Variants in AK5 observed in about 807,000 individuals in gnomAD.
The protein encoded by AK5 is adenylate kinase isoenzyme 5.
In AK5, 27 loss-of-function variants were observed where a neutral mutation model predicts 69.5. The ratio of observed to expected loss-of-function variants is 0.39; its 90% CI spans 0.29 to 0.54. The LOEUF is 0.54. AK5 is among the 20% of genes least tolerant of loss of function. The probability of loss-of-function intolerance (pLI) is 0.71; values close to 1 mark genes in which losing one functional copy is unlikely to be tolerated. For synonymous variants in AK5, 260 were observed against 244.4 expected (o/e 1.06, Z -0.60); for missense variants, 531 against 700.4 (o/e 0.76, Z 2.73).
At chr1:77,301,852 A>C (rs1659359966) in intron 5 of AK5, among the ~76,000 whole-genome samples, 1 of 152,226 alleles carries the variant, frequency 6.6e-6, no homozygotes, top group African/African-American at 2.4e-5. Flanking sequence ...CAGGGATTGC[A>C]AAGGTCCTTG....
At chr1:77,451,081 T>C (rs1158106183) in intron 8 of AK5, among the ~76,000 whole-genome samples, 2 of 151,938 alleles carry the variant, frequency 1.3e-5, no homozygotes, top group Non-Finnish European at 2.9e-5. Context: ...GAAGCTGAGC[T>C]GGGAGGATCA....
At chr1:77,536,223 A>G (rs1450028778) in intron 13 of AK5, among the ~76,000 whole-genome samples, 185 bp downstream of exon 13, 2 of 152,168 alleles carry the variant, frequency 1.3e-5, no homozygotes, top group African/African-American at 4.8e-5. Flanking sequence ...CACTGTGGGA[A>G]GTCAAGGCGG....
At chr1:77,354,061 T>C (rs916499438) in intron 6 of AK5, among the ~76,000 whole-genome samples, 6 of 152,096 alleles carry the variant, frequency 3.9e-5, no homozygotes, top group Non-Finnish European at 7.4e-5. Context: ...AAATGAGACA[T>C]CTGAAATTTC....
chr1:77,551,740 C>G (rs1457952025), intron 13 of AK5, among the ~76,000 whole-genome samples: 2 of 152,130 alleles, frequency 1.3e-5, no homozygotes, highest in Non-Finnish European at 2.9e-5. Flanking sequence ...TTCCATAAAG[C>G]CTAGACTACA....
chr1:77,518,223 C>T (rs1657775798), intron 10 of AK5, among the ~76,000 whole-genome samples: 1 of 152,200 alleles, frequency 6.6e-6, no homozygotes, highest in Non-Finnish European at 1.5e-5. Context: ...CAAAACGGAG[C>T]CAAGTACCCC....
At chr1:77,508,279 A>T (rs1461021005) in intron 10 of AK5, among the ~76,000 whole-genome samples, 1 of 152,162 alleles carries the variant, frequency 6.6e-6, no homozygotes, top group African/African-American at 2.4e-5. Context: ...TAAATTGCAG[A>T]TGTCTGTACA....
chr1:77,429,757 CG>C (rs1651472075), intron 8 of AK5, among the ~76,000 whole-genome samples: 1 of 152,014 alleles, frequency 6.6e-6, no homozygotes. Context: ...CTGCACCTGG[CG>C]GGCAAGAGAT....
At chr1:77,525,027 C>T (rs1177788588) in intron 12 of AK5, among the ~76,000 whole-genome samples, 2 of 152,310 alleles carry the variant, frequency 1.3e-5, no homozygotes, top group East Asian at 3.9e-4. Context: ...GTGCCTCAGC[C>T]TCCCAAGTAG....
intron 8 of AK5, among the ~76,000 whole-genome samples, chr1:77,476,883 G>T (rs1226664986): frequency 2.0e-5 from 3 of 148,618 alleles, no homozygotes; most frequent in Middle Eastern, 6.9e-3. Flanking sequence ...ATTGTTTAAT[G>T]TGTGAGGTGT....
Position 77,480,650 on chromosome 1 carries a change from C to A in AK5, c.1060-2667C>A, listed in dbSNP as rs114918795. Among the ~76,000 whole-genome samples the A allele has an allele frequency of 2.2e-3, 339 of 152,196 alleles. 1 individual carries two copies. The highest frequency in any genetic ancestry group is 3.7e-3 in the Admixed American group (56 of 15,296). On this transcript the variant is annotated intron_variant, in intron 8 of 13. Transcript: ENST00000354567. The stretch of plus-strand genomic sequence containing the variant: ...ACTCCATGGTTTCCTCTCAACATTA[C>A]CTAGATAGATTCAATAGCTGTTTGA...
At chr1:77,353,864 A>G (rs1292354060) in intron 6 of AK5, among the ~76,000 whole-genome samples, 1 of 152,172 alleles carries the variant, frequency 6.6e-6, no homozygotes, top group Non-Finnish European at 1.5e-5. Context: ...GAGGGAGCCC[A>G]TAGAGAAAAG....
chr1:77,530,336 A>G (rs934601266), intron 12 of AK5, among the ~76,000 whole-genome samples: 10 of 152,254 alleles, frequency 6.6e-5, no homozygotes, highest in Non-Finnish European at 1.5e-4. Flanking sequence ...GTATTCAGGA[A>G]TGCTGGAATG....
chr1:77,439,919 G>C (rs970582512), intron 8 of AK5, among the ~76,000 whole-genome samples: 5 of 151,134 alleles, frequency 3.3e-5, no homozygotes, highest in African/African-American at 1.2e-4. Context: ...AATAAACTTG[G>C]AAGTGCTATA....
intron 6 of AK5, among the ~76,000 whole-genome samples, chr1:77,365,883 T>C (rs1054802093): frequency 1.3e-5 from 2 of 152,300 alleles, no homozygotes; most frequent in African/African-American, 4.8e-5. Flanking sequence ...AATATGCACA[T>C]TGCTTTTATA....
intron 6 of AK5, among the ~76,000 whole-genome samples, chr1:77,393,124 A>AT (rs1301513157): frequency 6.6e-6 from 1 of 151,932 alleles, no homozygotes; most frequent in Non-Finnish European, 1.5e-5. Flanking sequence ...TAATTAATTT[A>AT]TTTTTTGTAC....
At chr1:77,557,177 A>G (rs1390936075) in intron 13 of AK5, 1 of 152,684 alleles carries the variant, frequency 6.5e-6, no homozygotes, top group African/African-American at 2.4e-5. Flanking sequence ...GCAGTAGCCC[A>G]TAGCACTCCA....
chr1:77,419,452 A>C (rs191228486), intron 8 of AK5, among the ~76,000 whole-genome samples: 303 of 152,326 alleles, frequency 2.0e-3, no homozygotes, highest in Non-Finnish European at 3.1e-3. Flanking sequence ...GGATATTCAA[A>C]ATATTGAAAG....
chr1:77,350,362 A>G (rs929391714), intron 6 of AK5, among the ~76,000 whole-genome samples: 1 of 152,150 alleles, frequency 6.6e-6, no homozygotes, highest in Non-Finnish European at 1.5e-5. Context: ...CACGTGTAGA[A>G]CAGAGTAGTG....
chr1:77,320,118 G>A (rs1271519660), intron 5 of AK5, among the ~76,000 whole-genome samples: 1 of 152,146 alleles, frequency 6.6e-6, no homozygotes, highest in Non-Finnish European at 1.5e-5. Context: ...TTTTTCACAG[G>A]GCGGCAGGAA....
Sources: gnomAD v4.1 joint callset for allele counts (sites outside exome capture counted in the v4.1 genomes callset) on GRCh38, gnomAD v4.1.1 for gene constraint, MANE v1.5 for transcripts, NCBI Gene and HGNC (gene_info 2026-07-23, HGNC 2026-07-21) for gene names.